RAB3C: variants seen among roughly 807,000 people sequenced by gnomAD.
RAB3C encodes RAB3C, member RAS oncogene family.
In RAB3C, 17 loss-of-function variants were observed where a neutral mutation model predicts 26.4. That is an observed-to-expected ratio of 0.64 (90% confidence interval 0.44 to 0.97). The LOEUF (loss-of-function observed/expected upper bound fraction) is 0.97. RAB3C is among the 50% of genes least tolerant of loss of function. The pLI is 0.00. For missense variants in RAB3C, 242 were observed against 281.9 expected, an observed-to-expected ratio of 0.86 and a Z score of 1.01; for synonymous variants, 91 against 95.9, an observed-to-expected ratio of 0.95 and a Z score of 0.30.
chr5:58,658,414 A>G (rs540467732), intron 2 of RAB3C, among the ~76,000 whole-genome samples: 1 of 152,366 alleles, frequency 6.6e-6, no homozygotes, highest in East Asian at 1.9e-4. Context: ...TCATCTGCAA[A>G]CAGGAAAGGA....
intron 2 of RAB3C, among the ~76,000 whole-genome samples, chr5:58,721,020 G>C (rs1473270037): frequency 6.6e-6 from 1 of 151,718 alleles, no homozygotes; most frequent in East Asian, 1.9e-4. Context: ...TTTTAAAAAA[G>C]AAAGATTTCA....
intron 3 of RAB3C, among the ~76,000 whole-genome samples, chr5:58,729,264 A>C (rs1033483518): frequency 1.3e-5 from 2 of 152,042 alleles, no homozygotes; most frequent in Non-Finnish European, 2.9e-5. Context: ...TCGTGGTAAA[A>C]TATATATAAC....
At chr5:58,650,333 G>A (rs1440792173) in intron 2 of RAB3C, among the ~76,000 whole-genome samples, 1 of 152,132 alleles carries the variant, frequency 6.6e-6, no homozygotes, top group Non-Finnish European at 1.5e-5. Context: ...TATGAAGAAG[G>A]AGAGGAAATA....
intron 2 of RAB3C, among the ~76,000 whole-genome samples, chr5:58,664,981 T>A (rs542859699): frequency 3.9e-4 from 59 of 152,094 alleles, no homozygotes; most frequent in Non-Finnish European, 6.0e-4. Flanking sequence ...GCCTCTGAAA[T>A]ATGTTTCTCC....
intron 3 of RAB3C, among the ~76,000 whole-genome samples, chr5:58,779,305 T>C (rs1742218599): frequency 6.6e-6 from 1 of 150,506 alleles, no homozygotes; most frequent in Admixed American, 6.6e-5. Flanking sequence ...AATGAACTCA[T>C]TATAGATGGT....
chr5:58,691,043 G>C (rs1748559911), intron 2 of RAB3C, among the ~76,000 whole-genome samples: 1 of 151,730 alleles, frequency 6.6e-6, no homozygotes, highest in South Asian at 2.1e-4. Context: ...ACTAAGAACT[G>C]TATATTTAAG....
intron 1 of RAB3C, among the ~76,000 whole-genome samples, chr5:58,586,475 A>G (rs1401516845): frequency 6.6e-6 from 1 of 152,132 alleles, no homozygotes; most frequent in African/African-American, 2.4e-5. Context: ...TTCTTCTTAT[A>G]AAATAAACTT....
rs183235243 is a variant in RAB3C, at chr5:58,745,559, G to A, written c.371+19439G>A. 4.6e-3 allele frequency among the ~76,000 whole-genome samples: 706 copies of A among 152,082 alleles called. 5 individuals are homozygous for A. Among genetic ancestry groups the A allele is most frequent in the Non-Finnish European group, 7.6e-3 (517 of 67,988 alleles). On this transcript the variant is annotated intron_variant, in intron 3 of 4. Transcript: ENST00000282878. Reference sequence around the variant, plus strand: ...CAAAGGGCTCCTTTCCTTACTGCCGGTCTCTATAGTCCTCCTTGTCCCCTA... The same window carrying A: ...CAAAGGGCTCCTTTCCTTACTGCCGATCTCTATAGTCCTCCTTGTCCCCTA...
chr5:58,630,192 T>C, intron 2 of RAB3C, among the ~76,000 whole-genome samples: 1 of 152,262 alleles, frequency 6.6e-6, no homozygotes, highest in African/African-American at 2.4e-5. Flanking sequence ...TTTAATTTTC[T>C]ATAAAATAAG....
intron 1 of RAB3C, among the ~76,000 whole-genome samples, chr5:58,602,241 T>C (rs1368019692): frequency 1.3e-5 from 2 of 152,160 alleles, no homozygotes; most frequent in Non-Finnish European, 2.9e-5. Context: ...TTTTCTTAAA[T>C]TTTTTGAGGT....
intron 1 of RAB3C, among the ~76,000 whole-genome samples, chr5:58,600,775 A>G (rs1040773575): frequency 2.6e-5 from 4 of 152,136 alleles, no homozygotes; most frequent in African/African-American, 4.8e-5. Context: ...AAGGTAAACT[A>G]TCTTATCATC....
At chr5:58,605,628 T>C (rs1579812476) in intron 1 of RAB3C, among the ~76,000 whole-genome samples, 1 of 152,186 alleles carries the variant, frequency 6.6e-6, no homozygotes, top group Admixed American at 6.5e-5. Flanking sequence ...CTGGGCGCGG[T>C]GGCTCACACC....
intron 2 of RAB3C, among the ~76,000 whole-genome samples, chr5:58,628,683 A>AGTT (rs1747119677): frequency 8.1e-6 from 1 of 123,172 alleles, no homozygotes; most frequent in African/African-American, 3.3e-5. Flanking sequence ...TAGTCCCCGG[A>AGTT]GCACAGGGTA....
At chr5:58,659,767 C>T (rs564698688) in intron 2 of RAB3C, among the ~76,000 whole-genome samples, 2 of 152,130 alleles carry the variant, frequency 1.3e-5, no homozygotes, top group African/African-American at 4.8e-5. Context: ...TGGTTGTAAT[C>T]CCCTGACCAT....
chr5:58,673,398 AG>A (rs1748160441), intron 2 of RAB3C, among the ~76,000 whole-genome samples: 1 of 151,534 alleles, frequency 6.6e-6, no homozygotes, highest in Non-Finnish European at 1.5e-5. Context: ...TGGAAACTGT[AG>A]GGGGAAAGTG....
At chr5:58,836,133 T>C (rs1030225108) in intron 4 of RAB3C, among the ~76,000 whole-genome samples, 2 of 152,194 alleles carry the variant, frequency 1.3e-5, no homozygotes, top group African/African-American at 2.4e-5. Flanking sequence ...AATCAGTGTA[T>C]CCTTTTATCA....
In RAB3C at chr5:58,719,686, C is replaced by T. The variant is rs1472943803; in HGVS notation, c.253-6316C>T. ...GGGGAGAATCCAATTCTTGGCAGTC[C>T]TTGTCTTATAGATTCATCAGGCCAG... On this transcript the variant is annotated intron_variant, in intron 2 of 4. Transcript: ENST00000282878. 2.0e-5 allele frequency among the ~76,000 whole-genome samples: 3 copies of T among 151,872 alleles called. No individual in the cohort carries two copies. The East Asian group carries it at 5.8e-4, about 30-fold the overall frequency.
intron 1 of RAB3C, among the ~76,000 whole-genome samples, chr5:58,585,974 A>G (rs1746000114): frequency 6.6e-6 from 1 of 152,084 alleles, no homozygotes; most frequent in Non-Finnish European, 1.5e-5. Context: ...AGGCCAAATG[A>G]GATGAGAAAT....
Position 58,775,135 on chromosome 5 carries a change from T to C in RAB3C, c.371+49015T>C, listed in dbSNP as rs758807411. Among the ~76,000 whole-genome samples, 3 of 152,134 alleles carry C rather than the reference T, an allele frequency of 2.0e-5. No homozygotes were observed. In the East Asian group the frequency reaches 5.8e-4, roughly 29 times the overall value. On this transcript the variant is annotated intron_variant, in intron 3 of 4. Transcript: ENST00000282878. ...TCTGAGAGAGAAGTGCTGTGCACGA[T>C]TGCATCCTCATTTGCCACCACATTT...
Sources: gnomAD v4.1 joint callset for allele counts (sites outside exome capture counted in the v4.1 genomes callset) on GRCh38, gnomAD v4.1.1 for gene constraint, MANE v1.5 for transcripts, NCBI Gene and HGNC (gene_info 2026-07-23, HGNC 2026-07-21) for gene names.